ARB2A: variants seen among roughly 807,000 people sequenced by gnomAD.
ARB2A encodes the protein ARB2 cotranscriptional regulator A.
At chr5:93,905,264 A>G in the ARB2A span, among the ~76,000 whole-genome samples, 1 of 151,806 alleles carries the variant, frequency 6.6e-6, no homozygotes, top group African/African-American at 2.4e-5. Flanking sequence ...GAAAACTTAG[A>G]TAGGAATTAG....
chr5:93,831,175 A>G, the ARB2A span, among the ~76,000 whole-genome samples: 3 of 152,058 alleles, frequency 2.0e-5, no homozygotes, highest in Middle Eastern at 6.8e-3. Context: ...CCAGTTCCTA[A>G]CAGGCCATGG....
At chr5:94,034,039 C>T in the ARB2A span, among the ~76,000 whole-genome samples, 1 of 152,186 alleles carries the variant, frequency 6.6e-6, no homozygotes, top group Admixed American at 6.5e-5. Context: ...GCTTCTCTCT[C>T]CCTTTATGAT....
chr5:93,804,870 G>A, the ARB2A span: 9 of 826,134 alleles, frequency 1.1e-5, no homozygotes, highest in Non-Finnish European at 1.3e-5. Flanking sequence ...TACATATACT[G>A]CAAGTTAAAA....
chr5:94,073,330 G>A, the ARB2A span, among the ~76,000 whole-genome samples: 3 of 152,010 alleles, frequency 2.0e-5, no homozygotes, highest in East Asian at 3.9e-4. Context: ...TAGTACAGAT[G>A]AAGAGAAAGA....
chr5:93,766,335 T>C, the ARB2A span, among the ~76,000 whole-genome samples: 1 of 152,116 alleles, frequency 6.6e-6, no homozygotes, highest in African/African-American at 2.4e-5. Flanking sequence ...CTCCAACAAA[T>C]TTACAAGAAA....
At chr5:93,866,335 A>T in the ARB2A span, 1 of 958,656 alleles carries the variant, frequency 1.0e-6, no homozygotes. Flanking sequence ...AGTTCTTAAA[A>T]TTGATTATGG....
At chr5:94,077,494 T>C in the ARB2A span, among the ~76,000 whole-genome samples, 826 of 152,324 alleles carry the variant, frequency 5.4e-3, 9 homozygotes, top group African/African-American at 0.018. Context: ...TGTTAGATTT[T>C]TACCCTCCTG....
the ARB2A span, chr5:93,621,104 G>A: frequency 1.9e-6 from 3 of 1,612,212 alleles, no homozygotes; most frequent in Non-Finnish European, 2.5e-6. Flanking sequence ...AGCTCTTCCA[G>A]GAAGTTAGCT....
chr5:93,787,734 A>T, the ARB2A span, among the ~76,000 whole-genome samples: 2 of 152,214 alleles, frequency 1.3e-5, no homozygotes, highest in African/African-American at 4.8e-5. Context: ...CCCTTTTCAT[A>T]TATACAGCAT....
chr5:93,960,278 G>A, the ARB2A span, among the ~76,000 whole-genome samples: 6 of 152,060 alleles, frequency 3.9e-5, no homozygotes, highest in Non-Finnish European at 7.4e-5. Context: ...GAGCAGCATG[G>A]ACACAGGTCT....
the ARB2A span, among the ~76,000 whole-genome samples, chr5:93,941,264 CT>C: frequency 9.9e-5 from 15 of 151,980 alleles, no homozygotes; most frequent in Admixed American, 4.6e-4. Flanking sequence ...CAAAACAGCT[CT>C]GATGCAGCAA....
chr5:93,985,131 G>T, the ARB2A span, among the ~76,000 whole-genome samples: 1 of 152,034 alleles, frequency 6.6e-6, no homozygotes, highest in African/African-American at 2.4e-5. Flanking sequence ...ACTCTGTGTT[G>T]CACAGTGTAG....
At chr5:93,914,470 T>C in the ARB2A span, among the ~76,000 whole-genome samples, 1 of 151,980 alleles carries the variant, frequency 6.6e-6, no homozygotes, top group Non-Finnish European at 1.5e-5. Flanking sequence ...TAAATTGTTT[T>C]TGTGAGTGCT....
chr5:93,683,209 C>A, the ARB2A span: 5 of 1,338,562 alleles, frequency 3.7e-6, no homozygotes, highest in South Asian at 1.2e-5. Context: ...CATCATCATC[C>A]TCTTCATCAT....
At chr5:94,104,174 T>A in the ARB2A span, among the ~76,000 whole-genome samples, 4 of 149,156 alleles carry the variant, frequency 2.7e-5, no homozygotes, top group South Asian at 8.4e-4. Flanking sequence ...TGAACAAAAC[T>A]AAGACATGAA....
At chr5:93,859,571 T>C in the ARB2A span, among the ~76,000 whole-genome samples, 1 of 151,464 alleles carries the variant, frequency 6.6e-6, no homozygotes, top group African/African-American at 2.4e-5. Flanking sequence ...AGCCAAAGAG[T>C]GGAAGAGTGA....
the ARB2A span, chr5:93,621,207 GC>G: frequency 7.2e-7 from 1 of 1,382,694 alleles, no homozygotes; most frequent in Non-Finnish European, 9.5e-7. Flanking sequence ...GCCAGGCCGA[GC>G]CCCGGCTCCC....
chr5:93,948,824 TA>T, the ARB2A span, among the ~76,000 whole-genome samples: 2 of 152,184 alleles, frequency 1.3e-5, no homozygotes, highest in African/African-American at 4.8e-5. Flanking sequence ...TCTTCCCACC[TA>T]AGCCTCTTAA....
chr5:93,745,993 T>C, the ARB2A span, among the ~76,000 whole-genome samples: 1 of 152,124 alleles, frequency 6.6e-6, no homozygotes, highest in Non-Finnish European at 1.5e-5. Flanking sequence ...AAGTCAGTAA[T>C]CCAGGAAAAC....
Sources: allele counts gnomAD v4.1 joint callset (sites outside exome capture counted in the v4.1 genomes callset), GRCh38; gene constraint gnomAD v4.1.1; transcripts MANE v1.5; gene names NCBI Gene and HGNC (gene_info 2026-07-23, HGNC 2026-07-21).